Variants in IFT140 observed in about 807,000 individuals in gnomAD.
The protein encoded by IFT140 is intraflagellar transport 140.
A neutral mutation model predicts 164.6 loss-of-function variants in IFT140; 133 were observed. The observed-to-expected ratio is 0.81, with a 90% CI of 0.70 to 0.93. IFT140 has a LOEUF of 0.93. Among genes scored for constraint, IFT140 ranks in the 40% least tolerant of loss-of-function variants. The pLI, the probability that IFT140 is intolerant of heterozygous loss-of-function variation, is 0.00. For synonymous variants in IFT140, 860 were observed against 817.3 expected (o/e 1.05, Z -0.89); for missense variants, 2,045 against 1,972.3 (o/e 1.04, Z -0.70).
Position 1,571,004 on chromosome 16 carries a change from G to C in IFT140, c.1652+403C>G, listed in dbSNP as rs1007444040. Among the ~76,000 whole-genome samples, 5 of 152,124 alleles carry C rather than the reference G, an allele frequency of 3.3e-5. No homozygotes were observed. The South Asian group carries it at 1.0e-3, about 32-fold the overall frequency. On this transcript the variant is annotated intron_variant, in intron 14 of 30. Transcript: ENST00000426508. The stretch of plus-strand genomic sequence containing the variant: ...ACTCCTGGGCTCAAGCAGTCTTCTC[G>C]CCTTGGCCTCCCAAAGTGCTGGAAA...
Position 1,586,212 on chromosome 16 carries a change from AG to A in IFT140, c.1072del (p.Leu358TrpfsTer38), listed in dbSNP as rs749600086. 2.5e-6 allele frequency: 4 copies of A among 1,613,674 alleles called. No individual in the cohort carries two copies. The highest frequency in any genetic ancestry group is 3.4e-6 in the Non-Finnish European group (4 of 1,179,916). On this transcript the variant is annotated frameshift_variant, in exon 10 of 31. Transcript: ENST00000426508. LOFTEE classifies it high-confidence loss of function. ...VAMWRKVPDF[L>X]GSPGAEGKDR... The stretch of plus-strand genomic sequence containing the variant: ...CTTGCCCTCTGCCCCGGGGCTGCCC[AG>A]GAAGTCTGGTACTTTCCTCCACATG...
At position 1,553,647 on chromosome 16, in the gene IFT140, A is replaced by G; in HGVS notation, c.2399+4288T>C. ...ACTCAGGTTACTGTAACAGAGAGGGAGGGGTGCTGGGTGGGCAGAAGCGGG... is the reference window on the plus strand; with the variant it reads ...ACTCAGGTTACTGTAACAGAGAGGGGGGGGTGCTGGGTGGGCAGAAGCGGG... On this transcript the variant is annotated intron_variant, in intron 19 of 30. Transcript: ENST00000426508. This position sits in a 1 kb window ranked among gnomAD's most constrained non-coding sequence, Gnocchi z 4.4. 2 of 864,576 alleles carry G rather than the reference A, an allele frequency of 2.3e-6. No individual in the cohort carries two copies. Among genetic ancestry groups the G allele is most frequent in the Non-Finnish European group, 2.9e-6 (2 of 698,056 alleles). The allele number at this position is 864,576 out of a possible 1,614,324, so 53.6% of individuals were successfully genotyped here.
At chr16:1,542,034 C>A (rs1170723222) in intron 19 of IFT140, 2 of 1,611,048 alleles carry the variant, frequency 1.2e-6, no homozygotes, top group East Asian at 4.5e-5. Context: ...ACCCGACGCC[C>A]CGTGCTGGGA....
intron 13 of IFT140, among the ~76,000 whole-genome samples, chr16:1,579,908 G>A (rs2034466539): frequency 1.3e-5 from 2 of 150,562 alleles, no homozygotes; most frequent in South Asian, 2.1e-4. Context: ...AGATTGCAGC[G>A]AGCTGAGATC....
At chr16:1,554,858 G>A in intron 19 of IFT140, 1 of 1,614,214 alleles carries the variant, frequency 6.2e-7, no homozygotes. Context: ...CCTGCTACCT[G>A]AACATTGGCG....
intron 6 of IFT140, among the ~76,000 whole-genome samples, chr16:1,590,214 A>T (rs1025233365): frequency 1.9e-4 from 29 of 151,794 alleles, no homozygotes; most frequent in Non-Finnish European, 4.0e-4. Flanking sequence ...AAAAAAAAAA[A>T]AAAAAAAATT....
At chr16:1,554,043 G>A in intron 19 of IFT140, 1 of 1,287,226 alleles carries the variant, frequency 7.8e-7, no homozygotes, top group South Asian at 1.2e-5. Flanking sequence ...TTCAGGCTCT[G>A]GAAAGAGAGG....
intron 12 of IFT140, among the ~76,000 whole-genome samples, chr16:1,582,067 G>A (rs2034601074): frequency 6.6e-6 from 1 of 152,104 alleles, no homozygotes; most frequent in South Asian, 2.1e-4. Flanking sequence ...TGAGGGGCAG[G>A]GTTGGTGAAG....
chr16:1,587,284 C>T lies in IFT140; in HGVS notation c.923G>A (p.Gly308Glu). The T allele has an allele frequency of 6.2e-7, 1 of 1,611,470 alleles. No individual in the cohort carries two copies. The highest frequency in any genetic ancestry group is 8.5e-7 in the Non-Finnish European group (1 of 1,177,684). Residue 308 changes from glycine to glutamate, a missense_variant, in exon 9 of 31, where the codon GGA becomes GAA. Coordinates refer to ENST00000426508, the MANE Select transcript of IFT140 (RefSeq NM_014714.4). ...AALRFWDIER[G>E]ENYILSPDEK... ...ATCTGGACTCAGTATATAATTCTCT[C>T]CTCGTTCTATGTCCCAGAATCTACA... is the stretch of plus-strand genomic sequence containing the variant.
chr16:1,571,617 T>C, intron 13 of IFT140, 83 bp from the exon 14 acceptor site: 1 of 1,373,788 alleles, frequency 7.3e-7, no homozygotes, highest in Non-Finnish European at 1.0e-6. Context: ...ACACAAGAAA[T>C]GGATATATTT....
chr16:1,581,202 G>T (rs2034540378), intron 12 of IFT140, among the ~76,000 whole-genome samples: 1 of 152,206 alleles, frequency 6.6e-6, no homozygotes, highest in Non-Finnish European at 1.5e-5. Context: ...ATTTTAGGTG[G>T]AACTCTGGTG....
chr16:1,562,219 C>G (rs145063120), intron 17 of IFT140, 103 bp from the exon 18 acceptor site: 3 of 967,516 alleles, frequency 3.1e-6, no homozygotes. Context: ...ACGGTGGGGT[C>G]GTTGCTACAC....
chr16:1,588,426 G>C (rs1464332187), intron 7 of IFT140, among the ~76,000 whole-genome samples: 1 of 152,070 alleles, frequency 6.6e-6, no homozygotes, highest in Non-Finnish European at 1.5e-5. Context: ...TTGGGAGGCT[G>C]AGACAGGAGA....
intron 19 of IFT140, among the ~76,000 whole-genome samples, chr16:1,527,432 C>T (rs977374213): frequency 6.6e-6 from 1 of 152,134 alleles, no homozygotes; most frequent in Admixed American, 6.5e-5. Context: ...CAGTGGGTCA[C>T]GGGGGACAGC....
chr16:1,526,977 T>A, intron 19 of IFT140, 181 bp from the exon 20 acceptor site: 2 of 614,784 alleles, frequency 3.3e-6, no homozygotes, highest in Non-Finnish European at 5.4e-6. Context: ...GAGGTGCCCG[T>A]CACGAGTCCC....
Position 1,519,933 on chromosome 16 carries a change from C to T in IFT140, c.3988G>A (p.Ala1330Thr), listed in dbSNP as rs200699325. 5.3e-4 allele frequency: 855 copies of T among 1,601,804 alleles called. 13 individuals are homozygous for T. The East Asian group carries it at 0.012, about 23-fold the overall frequency. Residue 1330 changes from alanine (A) to threonine (T), a missense_variant, in exon 29 of 31, where the codon GCG becomes ACG. Transcript: ENST00000426508. ...AGTGCCATCCTGCTCTGCAGCTGCG[C>T]CAGCCTGGTCTCCTGGTCCAGGGGG... The part of the protein sequence containing the change: ...KSPLDQETRL[A>T]QLQSRMALVK...
At chr16:1,602,277 C>T (rs1344539821) in intron 4 of IFT140, 93 bp downstream of exon 4, 3 of 1,113,038 alleles carry the variant, frequency 2.7e-6, no homozygotes, top group Admixed American at 4.0e-5. Context: ...AATTTGGCAA[C>T]AGCACGGTTC....
chr16:1,550,650 G>A (rs1462595299), intron 19 of IFT140, among the ~76,000 whole-genome samples: 4 of 152,170 alleles, frequency 2.6e-5, no homozygotes, highest in East Asian at 3.9e-4. Flanking sequence ...CTGCCTACCC[G>A]CTCTGTGCTT....
chr16:1,526,624 T>A lies in IFT140; in HGVS notation c.2572A>T (p.Met858Leu), dbSNP rs1293806378. ...RVAVLATQLG[M>L]LEDAEQLYRK... ...CCATGGCGGGCGCCCCTCACCAGCA[T>A]GCCCAGCTGCGTGGCCAGCACGGCC... The change falls in exon 20 of 31, where the codon ATG becomes TTG. Residue 858 changes from methionine to leucine, a missense_variant. Coordinates refer to ENST00000426508, the MANE Select transcript of IFT140 (RefSeq NM_014714.4). The A allele has an allele frequency of 1.7e-5, 24 of 1,445,752 alleles. No homozygotes were observed. The highest frequency in any genetic ancestry group is 2.2e-5 in the Non-Finnish European group (24 of 1,092,286). The allele number at this position is 1,445,752 out of a possible 1,614,324, so 89.6% of individuals were successfully genotyped here.
Sources: gnomAD v4.1 joint callset for allele counts (sites outside exome capture counted in the v4.1 genomes callset) on GRCh38, gnomAD v4.1.1 for gene constraint, Gnocchi (gnomAD v3.1) non-coding constraint, MANE v1.5 for transcripts, NCBI Gene and HGNC (gene_info 2026-07-23, HGNC 2026-07-21) for gene names.